Variants in CLSTN2 observed in about 807,000 individuals in gnomAD.
The protein encoded by CLSTN2 is calsyntenin-2.
Under a neutral mutation model 101.2 loss-of-function variants are expected in CLSTN2, and 48 were observed. The ratio of observed to expected loss-of-function variants is 0.47; its 90% CI spans 0.38 to 0.60. The LOEUF (loss-of-function observed/expected upper bound fraction) is 0.60. CLSTN2 is among the 20% of genes least tolerant of loss of function. CLSTN2 has a pLI of 0.00. For missense variants in CLSTN2, 1,160 were observed against 1,238.2 expected (o/e 0.94, Z 0.95); for synonymous variants, 481 against 463.6 (o/e 1.04, Z -0.48).
At chr3:140,162,148 G>T (rs933690111) in intron 1 of CLSTN2, among the ~76,000 whole-genome samples, 1 of 152,058 alleles carries the variant, frequency 6.6e-6, no homozygotes, top group Non-Finnish European at 1.5e-5. Flanking sequence ...GAGAATAAAA[G>T]CAAAGAAAGC....
chr3:140,558,496 G>A (rs993608686), intron 11 of CLSTN2, 144 bp from the exon 12 acceptor site: 1 of 595,912 alleles, frequency 1.7e-6, no homozygotes, highest in Non-Finnish European at 2.9e-6. Flanking sequence ...CTTTAAATTT[G>A]AATGTCTGTT....
intron 1 of CLSTN2, among the ~76,000 whole-genome samples, chr3:140,120,354 A>G (rs1451380808): frequency 6.6e-6 from 1 of 152,202 alleles, no homozygotes; most frequent in East Asian, 1.9e-4. Context: ...AAACATGTAG[A>G]GTGAGGTATG....
At chr3:140,394,712 G>C (rs1463283500) in intron 2 of CLSTN2, among the ~76,000 whole-genome samples, 6 of 152,190 alleles carry the variant, frequency 3.9e-5, no homozygotes, top group Non-Finnish European at 8.8e-5. Context: ...CCCCAGGCAG[G>C]TCAGGGCACA....
At chr3:140,497,360 G>T (rs1169802551) in intron 8 of CLSTN2, among the ~76,000 whole-genome samples, 1 of 152,172 alleles carries the variant, frequency 6.6e-6, no homozygotes, top group Non-Finnish European at 1.5e-5. Flanking sequence ...CAGTCAGGAG[G>T]GATGGATTGG....
chr3:140,085,509 T>C (rs898126675), intron 1 of CLSTN2, among the ~76,000 whole-genome samples: 8 of 152,184 alleles, frequency 5.3e-5, no homozygotes, highest in Admixed American at 3.3e-4. Context: ...AGAGGCCAGT[T>C]GGGCTGTGGA....
At position 140,007,562 on chromosome 3, in the gene CLSTN2, CA is replaced by C. The variant is rs532251960; in HGVS notation, c.109+72080del. ...TTAATTCATTCATCTGTGCTTCCAG[CA>C]GTTTTGAAAAGGAGAAAAGGAAGAT... is the stretch of plus-strand genomic sequence containing the variant. On this transcript the variant is annotated intron_variant, in intron 1 of 16. Transcript: ENST00000458420. 2.9e-3 allele frequency among the ~76,000 whole-genome samples: 439 copies of C among 152,272 alleles called. 1 individual carries two copies. The highest frequency in any genetic ancestry group is 5.2e-3 in the Non-Finnish European group (351 of 68,030).
chr3:140,558,799 T>C lies in CLSTN2; in HGVS notation c.1983T>C (p.Asp661=). 1 of 1,614,036 alleles carries C rather than the reference T, an allele frequency of 6.2e-7. No homozygotes were observed. The change falls in exon 12 of 17, where the codon GAT becomes GAC. Residue 661 remains aspartate, a synonymous_variant. Coordinates refer to ENST00000458420, the MANE Select transcript of CLSTN2 (RefSeq NM_022131.3). ...CCAGGGGAGTGACCCTCTTCCCTGA[T>C]ATCAAGATTGTGAGCACCTTCGCCA... is the stretch of plus-strand genomic sequence containing the variant. ...ESARGVTLFP[D]IKIVSTFAKT...
At chr3:140,310,530 A>G (rs978553229) in intron 2 of CLSTN2, among the ~76,000 whole-genome samples, 3 of 152,156 alleles carry the variant, frequency 2.0e-5, no homozygotes, top group African/African-American at 7.2e-5. Flanking sequence ...GTCTGCAAGC[A>G]GTCAGGGTGG....
chr3:140,328,626 A>G (rs367776416), intron 2 of CLSTN2, among the ~76,000 whole-genome samples: 3 of 152,302 alleles, frequency 2.0e-5, no homozygotes, highest in African/African-American at 4.8e-5. Context: ...AACATGAGAT[A>G]TGGAGAATCC....
At chr3:140,474,673 C>T (rs1286688360) in intron 8 of CLSTN2, among the ~76,000 whole-genome samples, 3 of 152,290 alleles carry the variant, frequency 2.0e-5, no homozygotes, top group East Asian at 1.9e-4. Context: ...CTAGACCATA[C>T]CTGCCTTTCC....
At chr3:140,504,830 T>A (rs1190575211) in intron 8 of CLSTN2, among the ~76,000 whole-genome samples, 3 of 152,212 alleles carry the variant, frequency 2.0e-5, no homozygotes, top group Admixed American at 2.0e-4. Flanking sequence ...CTTTTGTGTT[T>A]GTGGCATTTG....
intron 2 of CLSTN2, among the ~76,000 whole-genome samples, chr3:140,384,500 C>T (rs1369845849): frequency 2.0e-5 from 3 of 152,150 alleles, no homozygotes; most frequent in African/African-American, 7.2e-5. Context: ...CCAGTCATAT[C>T]GAAGGTGCTT....
intron 9 of CLSTN2, among the ~76,000 whole-genome samples, chr3:140,533,722 A>AC (rs1384253944): frequency 2.3e-5 from 3 of 133,172 alleles, no homozygotes; most frequent in African/African-American, 8.0e-5. Flanking sequence ...AAAAAAAAAA[A>AC]AAAAAAAAAA....
At chr3:140,341,717 G>C (rs879317364) in intron 2 of CLSTN2, among the ~76,000 whole-genome samples, 1 of 152,164 alleles carries the variant, frequency 6.6e-6, no homozygotes, top group Non-Finnish European at 1.5e-5. Context: ...CACACCTCCA[G>C]TGGCTTTTTG....
chr3:140,130,231 G>T (rs1323370299), intron 1 of CLSTN2, among the ~76,000 whole-genome samples: 1 of 152,164 alleles, frequency 6.6e-6, no homozygotes, highest in African/African-American at 2.4e-5. Context: ...CATGACCTCT[G>T]TGAGTTGCCT....
chr3:140,230,737 A>G (rs996991751), intron 2 of CLSTN2, among the ~76,000 whole-genome samples: 14 of 152,200 alleles, frequency 9.2e-5, no homozygotes, highest in Middle Eastern at 6.3e-3. Flanking sequence ...CACCCAGTTC[A>G]TGGTATTTTG....
chr3:140,305,079 CTT>C (rs2087099787), intron 2 of CLSTN2, among the ~76,000 whole-genome samples: 2 of 151,522 alleles, frequency 1.3e-5, no homozygotes, highest in African/African-American at 4.8e-5. Flanking sequence ...CTCTGTCTCT[CTT>C]TCTCTCTCTC....
intron 2 of CLSTN2, among the ~76,000 whole-genome samples, chr3:140,180,002 A>G (rs1051581965): frequency 1.3e-5 from 2 of 152,196 alleles, no homozygotes; most frequent in East Asian, 3.8e-4. Context: ...TGGCCGTCAT[A>G]AGGTTCATTC....
intron 1 of CLSTN2, among the ~76,000 whole-genome samples, chr3:140,150,984 G>A (rs1396630562): frequency 1.3e-5 from 2 of 151,660 alleles, no homozygotes; most frequent in African/African-American, 4.8e-5. Flanking sequence ...TTCTTAGAAG[G>A]GCTCCTTATG....
Sources: allele counts gnomAD v4.1 joint callset (sites outside exome capture counted in the v4.1 genomes callset), GRCh38; gene constraint gnomAD v4.1.1; transcripts MANE v1.5; gene names NCBI Gene and HGNC (gene_info 2026-07-23, HGNC 2026-07-21).